Variants in ZNF804A observed in about 807,000 individuals in gnomAD.
ZNF804A encodes the protein zinc finger protein 804A.
In ZNF804A, 2 loss-of-function variants were observed where a neutral mutation model predicts 16.5. The ratio of observed to expected loss-of-function variants is 0.12; its 90% CI spans 0.05 to 0.38. The LOEUF is 0.38. Among genes scored for constraint, ZNF804A ranks in the 10% least tolerant of loss-of-function variants. The pLI, the probability that ZNF804A is intolerant of heterozygous loss-of-function variation, is 0.99. For missense variants in ZNF804A, 1,473 were observed against 1,390.7 expected, an observed-to-expected ratio of 1.06 and a Z score of -0.94; for synonymous variants, 534 against 489.6, an observed-to-expected ratio of 1.09 and a Z score of -1.20.
intron 2 of ZNF804A, among the ~76,000 whole-genome samples, chr2:184,868,563 G>A (rs1194943159): frequency 6.6e-6 from 1 of 152,044 alleles, no homozygotes; most frequent in Admixed American, 6.6e-5. Flanking sequence ...AAAATGTAGG[G>A]ATTGTTCAGT....
chr2:184,860,153 G>A (rs548308507), intron 1 of ZNF804A, among the ~76,000 whole-genome samples: 1 of 152,288 alleles, frequency 6.6e-6, no homozygotes, highest in African/African-American at 2.4e-5. Flanking sequence ...CTTGGCCTTG[G>A]GTCCTCCGGA....
intron 2 of ZNF804A, among the ~76,000 whole-genome samples, chr2:184,917,451 AG>A (rs1204377370): frequency 6.7e-6 from 1 of 149,782 alleles, no homozygotes; most frequent in African/African-American, 2.5e-5. Flanking sequence ...AAGGATAAAA[AG>A]AAAAACAAAT....
intron 1 of ZNF804A, among the ~76,000 whole-genome samples, chr2:184,803,805 T>A (rs943153050): frequency 6.6e-6 from 1 of 152,008 alleles, no homozygotes. Context: ...CCAATCTGTG[T>A]ATCTGTCTTC....
At chr2:184,613,918 G>A (rs2105674104) in intron 1 of ZNF804A, among the ~76,000 whole-genome samples, 1 of 152,210 alleles carries the variant, frequency 6.6e-6, no homozygotes, top group Non-Finnish European at 1.5e-5. Flanking sequence ...TTTCTTCACA[G>A]AATTAGAAAA....
chr2:184,782,076 C>T (rs1030781683), intron 1 of ZNF804A, among the ~76,000 whole-genome samples: 1 of 151,674 alleles, frequency 6.6e-6, no homozygotes, highest in African/African-American at 2.4e-5. Flanking sequence ...AGGGCCCACC[C>T]CTCTGACCTT....
chr2:184,868,403 T>C (rs1018423284), intron 2 of ZNF804A, among the ~76,000 whole-genome samples: 3 of 152,020 alleles, frequency 2.0e-5, no homozygotes. Context: ...ACCACATGAC[T>C]CTAACACATT....
In ZNF804A at chr2:184,752,167, G is replaced by A. The variant is rs557629775; in HGVS notation, c.112-114202G>A. Among the ~76,000 whole-genome samples the A allele has an allele frequency of 4.2e-3, 632 of 151,750 alleles. 3 individuals are homozygous for A. Among genetic ancestry groups the A allele is most frequent in the Middle Eastern group, 6.8e-3 (2 of 294 alleles). On this transcript the variant is annotated intron_variant, in intron 1 of 3. Transcript: ENST00000302277. ...GGAAAAGAAATAATTATATAAAAAA[G>A]ACACCTGTCCTCATATGTTCATTGC... is the stretch of plus-strand genomic sequence containing the variant.
intron 1 of ZNF804A, among the ~76,000 whole-genome samples, chr2:184,804,778 G>C (rs971129424): frequency 6.6e-6 from 1 of 152,136 alleles, no homozygotes; most frequent in South Asian, 2.1e-4. Flanking sequence ...GGAAAGAAAA[G>C]CTTGATCAAG....
chr2:184,828,841 A>C, intron 1 of ZNF804A, among the ~76,000 whole-genome samples: 1 of 151,866 alleles, frequency 6.6e-6, no homozygotes, highest in Non-Finnish European at 1.5e-5. Context: ...TGAGTCTAAA[A>C]TCTGATGATG....
intron 1 of ZNF804A, among the ~76,000 whole-genome samples, chr2:184,737,943 G>T (rs1305014392): frequency 1.3e-5 from 2 of 151,962 alleles, no homozygotes; most frequent in African/African-American, 2.4e-5. Flanking sequence ...GACCAACATG[G>T]AGAAACCCTG....
intron 1 of ZNF804A, among the ~76,000 whole-genome samples, chr2:184,617,528 T>C (rs1284687668): frequency 6.6e-6 from 1 of 151,818 alleles, no homozygotes; most frequent in Non-Finnish European, 1.5e-5. Context: ...GATTTAACAA[T>C]TGAGAGCTTG....
chr2:184,907,112 G>A (rs995610836), intron 2 of ZNF804A, among the ~76,000 whole-genome samples: 3 of 152,104 alleles, frequency 2.0e-5, no homozygotes, highest in Non-Finnish European at 2.9e-5. Flanking sequence ...TTTGATCCCA[G>A]TCATATATAC....
At chr2:184,759,502 A>G (rs1178434731) in intron 1 of ZNF804A, among the ~76,000 whole-genome samples, 2 of 151,954 alleles carry the variant, frequency 1.3e-5, no homozygotes, top group Non-Finnish European at 1.5e-5. Flanking sequence ...TTTTTATAAT[A>G]TATATTTTTA....
chr2:184,761,202 A>G (rs1694032616), intron 1 of ZNF804A, among the ~76,000 whole-genome samples: 1 of 152,198 alleles, frequency 6.6e-6, no homozygotes, highest in Non-Finnish European at 1.5e-5. Context: ...AGAAATTTTG[A>G]CAAACACAAA....
chr2:184,937,125 T>C lies in ZNF804A; in HGVS notation c.1729T>C (p.Tyr577His). The C allele has an allele frequency of 1.9e-6, 3 of 1,603,074 alleles. No individual in the cohort carries two copies. The highest frequency in any genetic ancestry group is 2.2e-5 in the South Asian group (2 of 89,086). ...AAAACAGGACACTCTAGATGAAAAA[T>C]ACAACAAAATAAGGTTGAAAGAGAC... ...QIKQDTLDEK[Y>H]NKIRLKETHE... Residue 577 changes from tyrosine to histidine, a missense_variant, in exon 4 of 4, where the codon TAC becomes CAC. Tyr to His is a moderately conservative substitution (Grantham distance 83, BLOSUM62 2). Coordinates refer to ENST00000302277, the MANE Select transcript of ZNF804A (RefSeq NM_194250.2).
intron 1 of ZNF804A, among the ~76,000 whole-genome samples, chr2:184,773,343 T>C (rs765293161): frequency 6.6e-6 from 1 of 151,810 alleles, no homozygotes; most frequent in Non-Finnish European, 1.5e-5. Flanking sequence ...AATAGAATAA[T>C]GCAAGTGGAA....
chr2:184,893,824 T>C (rs1478104826), intron 2 of ZNF804A, among the ~76,000 whole-genome samples: 1 of 152,140 alleles, frequency 6.6e-6, no homozygotes, highest in Admixed American at 6.5e-5. Flanking sequence ...TTTTGTGTTA[T>C]ATTGATGTCT....
intron 2 of ZNF804A, among the ~76,000 whole-genome samples, chr2:184,904,951 A>G (rs560817327): frequency 6.6e-6 from 1 of 152,088 alleles, no homozygotes; most frequent in Non-Finnish European, 1.5e-5. Flanking sequence ...CTGCAATTTA[A>G]ATTTTTCACT....
At chr2:184,855,458 T>C (rs996602663) in intron 1 of ZNF804A, among the ~76,000 whole-genome samples, 3 of 152,032 alleles carry the variant, frequency 2.0e-5, no homozygotes, top group Non-Finnish European at 2.9e-5. Context: ...CCTCCAGCTA[T>C]AATTCTCATC....
Sources: gnomAD v4.1 joint callset for allele counts (sites outside exome capture counted in the v4.1 genomes callset) on GRCh38, gnomAD v4.1.1 for gene constraint, MANE v1.5 for transcripts, NCBI Gene and HGNC (gene_info 2026-07-23, HGNC 2026-07-21) for gene names.